The following PAPPA2 variants were observed in gnomAD, a reference collection of about 807,000 sequenced individuals.
The protein encoded by PAPPA2 is pappalysin-2.
In PAPPA2, 86 loss-of-function variants were observed where a neutral mutation model predicts 176.4. The observed-to-expected ratio is 0.49, with a 90% confidence interval of 0.41 to 0.58. The LOEUF is 0.58. Ranked by LOEUF, PAPPA2 falls within the 20% of genes least tolerant of loss-of-function variation. The probability of loss-of-function intolerance (pLI) is 0.00; values close to 1 mark genes in which losing one functional copy is unlikely to be tolerated. For missense variants in PAPPA2, 2,073 were observed against 2,256.9 expected, an observed-to-expected ratio of 0.92 and a Z score of 1.65; for synonymous variants, 809 against 852.2, an observed-to-expected ratio of 0.95 and a Z score of 0.88.
intron 21 of PAPPA2, among the ~76,000 whole-genome samples, chr1:176,816,672 G>A (rs1328172373): frequency 6.6e-6 from 1 of 151,732 alleles, no homozygotes; most frequent in East Asian, 1.9e-4. Flanking sequence ...CTTCTGGAAG[G>A]GAAAGATATA....
At chr1:176,722,968 G>A (rs1344405728) in intron 12 of PAPPA2, among the ~76,000 whole-genome samples, 1 of 152,192 alleles carries the variant, frequency 6.6e-6, no homozygotes, top group Non-Finnish European at 1.5e-5. Context: ...AGACTGGTTA[G>A]TTTATAAAGA....
chr1:176,503,990 A>G (rs1385539568), intron 1 of PAPPA2, among the ~76,000 whole-genome samples: 3 of 152,184 alleles, frequency 2.0e-5, no homozygotes, highest in Non-Finnish European at 4.4e-5. Context: ...TAAGGAAGTC[A>G]CTTGAAAGTT....
intron 14 of PAPPA2, among the ~76,000 whole-genome samples, chr1:176,764,772 A>AT (rs1663870635): frequency 6.6e-6 from 1 of 151,968 alleles, no homozygotes; most frequent in Non-Finnish European, 1.5e-5. Flanking sequence ...AATTGTTTGT[A>AT]TTTTTAGTAG....
intron 1 of PAPPA2, among the ~76,000 whole-genome samples, chr1:176,548,519 G>A (rs1453777444): frequency 6.6e-6 from 1 of 152,168 alleles, no homozygotes; most frequent in Admixed American, 6.5e-5. Context: ...TACTTACCAG[G>A]AAAAGTCTGG....
At chr1:176,748,375 A>G (rs1663018234) in intron 14 of PAPPA2, among the ~76,000 whole-genome samples, 1 of 152,188 alleles carries the variant, frequency 6.6e-6, no homozygotes, top group Admixed American at 6.5e-5. Flanking sequence ...TTTTCATAGA[A>G]ATTCCCCAGC....
intron 4 of PAPPA2, among the ~76,000 whole-genome samples, chr1:176,674,066 G>A (rs974974549): frequency 2.0e-5 from 3 of 151,962 alleles, no homozygotes; most frequent in Non-Finnish European, 4.4e-5. Flanking sequence ...CAGGGACACT[G>A]GGCAAGAAAA....
chr1:176,765,128 A>G (rs576784722), intron 14 of PAPPA2, among the ~76,000 whole-genome samples: 1 of 152,344 alleles, frequency 6.6e-6, no homozygotes, highest in South Asian at 2.1e-4. Flanking sequence ...GCAGTTGTGA[A>G]AATATTTCCA....
At chr1:176,594,027 G>T (rs1461190890) in intron 2 of PAPPA2, among the ~76,000 whole-genome samples, 4 of 152,174 alleles carry the variant, frequency 2.6e-5, no homozygotes, top group Non-Finnish European at 5.9e-5. Context: ...TCAACTCCTT[G>T]TTTTCCCCAT....
At chr1:176,578,747 T>A (rs763192043) in intron 2 of PAPPA2, among the ~76,000 whole-genome samples, 2 of 152,192 alleles carry the variant, frequency 1.3e-5, no homozygotes, top group Non-Finnish European at 2.9e-5. Flanking sequence ...AGATACGTAT[T>A]GATAACATGT....
In PAPPA2 at chr1:176,769,653, T is replaced by C. The variant is rs1664130796; in HGVS notation, c.4370T>C (p.Val1457Ala). Residue 1457 changes from valine to alanine, a missense_variant, in exon 16 of 23, where the codon GTG (valine) becomes GCG (alanine). By Grantham distance (64) the Val-to-Ala change is moderately conservative. Transcript: ENST00000367662. Reference sequence around the variant, plus strand: ...TCTTCTGGGCACTGGGACCAGAATGTGAGCTGCCTTCCCGTGGACTGCGGT... The same window carrying C: ...TCTTCTGGGCACTGGGACCAGAATGCGAGCTGCCTTCCCGTGGACTGCGGT... ...TCSSGHWDQN[V>A]SCLPVDCGVP... The C allele has an allele frequency of 6.2e-7, 1 of 1,601,198 alleles. No homozygotes were observed. Among genetic ancestry groups the C allele is most frequent in the Non-Finnish European group, 8.6e-7 (1 of 1,168,484 alleles).
At chr1:176,502,988 A>G (rs1177116350) in intron 1 of PAPPA2, among the ~76,000 whole-genome samples, 6 of 152,170 alleles carry the variant, frequency 3.9e-5, no homozygotes, top group Non-Finnish European at 7.3e-5. Context: ...TGCTGAAATA[A>G]ATTGCTGCAA....
intron 21 of PAPPA2, among the ~76,000 whole-genome samples, chr1:176,837,951 G>A (rs1309208857): frequency 6.6e-6 from 1 of 152,204 alleles, no homozygotes; most frequent in African/African-American, 2.4e-5. Flanking sequence ...ATTTTGGCAG[G>A]TTGAGGGAGG....
chr1:176,667,371 G>T lies in PAPPA2; in HGVS notation c.1992-3599G>T, dbSNP rs529998122. 1.6e-4 allele frequency among the ~76,000 whole-genome samples: 24 copies of T among 152,304 alleles called. No individual in the cohort carries two copies. The East Asian group carries it at 4.2e-3, about 27-fold the overall frequency. ...GAGAGCCCAGGAATCAGGGGCTGGA[G>T]CTCTTTACAGAGTAACCAGAAAACA... On this transcript the variant is annotated intron_variant, in intron 3 of 22. Coordinates refer to ENST00000367662, the MANE Select transcript of PAPPA2 (RefSeq NM_020318.3).
intron 14 of PAPPA2, among the ~76,000 whole-genome samples, chr1:176,764,522 G>A (rs1663847244): frequency 6.6e-6 from 1 of 151,926 alleles, no homozygotes; most frequent in Non-Finnish European, 1.5e-5. Context: ...AGAGCCTGAG[G>A]CTAATGCCCT....
intron 3 of PAPPA2, among the ~76,000 whole-genome samples, chr1:176,598,073 G>T (rs1654082377): frequency 6.6e-6 from 1 of 152,056 alleles, no homozygotes; most frequent in South Asian, 2.1e-4. Flanking sequence ...CTGCTTTGTG[G>T]AATACAAAGG....
intron 14 of PAPPA2, among the ~76,000 whole-genome samples, chr1:176,753,902 G>A (rs1348917154): frequency 6.6e-6 from 1 of 152,026 alleles, no homozygotes; most frequent in African/African-American, 2.4e-5. Context: ...AAAATAAGAA[G>A]GAAGAAGGAA....
At chr1:176,795,946 A>C (rs1458439558) in intron 20 of PAPPA2, among the ~76,000 whole-genome samples, 1 of 152,246 alleles carries the variant, frequency 6.6e-6, no homozygotes, top group African/African-American at 2.4e-5. Flanking sequence ...ATAGTGCTTT[A>C]AATAAAAATG....
intron 12 of PAPPA2, among the ~76,000 whole-genome samples, chr1:176,715,411 C>G (rs1204393472): frequency 2.0e-5 from 3 of 152,112 alleles, no homozygotes; most frequent in Admixed American, 6.5e-5. Context: ...GTTTGACCAC[C>G]CCCACTGGAG....
chr1:176,524,894 T>C (rs1649404597), intron 1 of PAPPA2, among the ~76,000 whole-genome samples: 1 of 151,952 alleles, frequency 6.6e-6, no homozygotes, highest in Non-Finnish European at 1.5e-5. Flanking sequence ...AAAATAAAAT[T>C]AGTCGGGCGT....
Sources: allele counts gnomAD v4.1 joint callset (sites outside exome capture counted in the v4.1 genomes callset), GRCh38; gene constraint gnomAD v4.1.1; transcripts MANE v1.5; gene names NCBI Gene and HGNC (gene_info 2026-07-23, HGNC 2026-07-21).